Variants in ZEB2 observed in about 807,000 individuals in gnomAD.
ZEB2 encodes the protein zinc finger E-box-binding homeobox 2.
Under a neutral mutation model 99.9 loss-of-function variants are expected in ZEB2, and 6 were observed. The observed-to-expected ratio is 0.06, with a 90% CI of 0.03 to 0.12. The LOEUF (loss-of-function observed/expected upper bound fraction) is 0.12, where lower values mean the gene tolerates loss of function less well. ZEB2 is among the 10% of genes least tolerant of loss of function. ZEB2 has a pLI of 1.00. For missense variants in ZEB2, 969 were observed against 1,502.8 expected (o/e 0.64, Z 5.87); for synonymous variants, 517 against 542.5 (o/e 0.95, Z 0.65).
rs745365040 is a variant in ZEB2 at position 144,396,637 on chromosome 2, C to T, written c.2887-45G>A. On this transcript the variant is annotated intron_variant, in intron 8 of 9. Coordinates refer to ENST00000627532, the MANE Select transcript of ZEB2 (RefSeq NM_014795.4). ...TTCAATACAGTGGCTTCTCTTTGTG[C>T]TCACACCAAACAACTTCACATAGGG... is the stretch of plus-strand genomic sequence containing the variant. 5 of 1,594,700 alleles carry T rather than the reference C, an allele frequency of 3.1e-6. No homozygotes were observed. In the East Asian group the frequency reaches 1.1e-4, roughly 36 times the overall value.
At chr2:144,464,604 A>T (rs11892740) in intron 2 of ZEB2, among the ~76,000 whole-genome samples, 2 of 151,918 alleles carry the variant, frequency 1.3e-5, no homozygotes, top group Admixed American at 1.3e-4. Flanking sequence ...CAAGCAATCA[A>T]TGTACATTAA....
rs730881192 is a variant in ZEB2, at chr2:144,399,904, A to G, written c.1283T>C (p.Val428Ala). The G allele has an allele frequency of 1.9e-6, 3 of 1,613,950 alleles. No individual in the cohort carries two copies. Among genetic ancestry groups the G allele is most frequent in the East Asian group, 2.2e-5 (1 of 44,864 alleles). ...GGLGATSPLG[V>A]HPSAQSPMQH... is the part of the protein sequence containing the mutation. ...CATTGGACTCTGAGCAGATGGATGA[A>G]CTCCTAAAGGGCTGGTGGCTCCAAG... The change falls in exon 8 of 10, where the codon GTT becomes GCT. Residue 428 changes from valine to alanine, a missense_variant. Transcript: ENST00000627532. This position sits in a 1 kb window ranked among gnomAD's most constrained non-coding sequence, Gnocchi z 5.6.
intron 2 of ZEB2, among the ~76,000 whole-genome samples, chr2:144,431,548 G>A (rs937262531): frequency 1.3e-5 from 2 of 151,874 alleles, no homozygotes; most frequent in Admixed American, 1.3e-4. Context: ...CAGCGGAGCC[G>A]GGCAAACAGA....
At chr2:144,411,078 T>C (rs1388273672) in intron 4 of ZEB2, among the ~76,000 whole-genome samples, 2 of 108,532 alleles carry the variant, frequency 1.8e-5, no homozygotes, top group Non-Finnish European at 4.0e-5. Flanking sequence ...TATATATATA[T>C]ATATATATAT....
Position 144,399,599 on chromosome 2 carries a change from A to G in ZEB2, c.1588T>C (p.Leu530=), listed in dbSNP as rs1394713606. 1 of 1,614,168 alleles carries G rather than the reference A, an allele frequency of 6.2e-7. No homozygotes were observed. Among genetic ancestry groups the G allele is most frequent in the Non-Finnish European group, 8.5e-7 (1 of 1,180,018 alleles). ...GATKSIIDYT[L]EKVNEAKACL... ...GCTTTGGCTTCATTGACTTTTTCCAACGTATAGTCAATAATACTTTTAGTG... is the reference window on the plus strand; with the variant it reads ...GCTTTGGCTTCATTGACTTTTTCCAGCGTATAGTCAATAATACTTTTAGTG... Residue 530 remains leucine (L), a synonymous_variant, in exon 8 of 10, where the codon TTG becomes CTG. Transcript: ENST00000627532. The surrounding 1 kb of genome is among the most constrained non-coding windows in gnomAD (Gnocchi z 5.6).
chr2:144,437,714 TG>T (rs1703856434), intron 2 of ZEB2, among the ~76,000 whole-genome samples: 1 of 152,088 alleles, frequency 6.6e-6, no homozygotes, highest in Non-Finnish European at 1.5e-5. Context: ...AATAAGACCT[TG>T]GAAATAAAAC....
chr2:144,444,796 A>C (rs575444502), intron 2 of ZEB2: 1 of 152,358 alleles, frequency 6.6e-6, no homozygotes, highest in South Asian at 2.1e-4. Flanking sequence ...AGGGATTCCA[A>C]GCCCAGATTT....
chr2:144,471,487 G>A (rs1466047553), intron 2 of ZEB2, among the ~76,000 whole-genome samples: 1 of 151,362 alleles, frequency 6.6e-6, no homozygotes, highest in Non-Finnish European at 1.5e-5. Flanking sequence ...GACAGAGGTA[G>A]TTATTGTCAT....
At chr2:144,513,520 T>A (rs1295411249) in intron 2 of ZEB2, 1 of 1,528,898 alleles carries the variant, frequency 6.5e-7, no homozygotes, top group African/African-American at 1.4e-5. Context: ...CAACTTCATT[T>A]CTTTCTCTGA....
intron 2 of ZEB2, among the ~76,000 whole-genome samples, chr2:144,447,864 AG>A: frequency 6.6e-6 from 1 of 152,322 alleles, no homozygotes; most frequent in South Asian, 2.1e-4. Flanking sequence ...ATATTTCTGT[AG>A]GTTCTGGGAT....
chr2:144,388,519 T>A lies in ZEB2; in HGVS notation c.*932A>T, dbSNP rs541011980. The A allele has an allele frequency of 5.0e-3, 778 of 154,154 alleles. 6 individuals carry two copies. The highest frequency in any genetic ancestry group is 8.4e-3 in the Non-Finnish European group (583 of 69,028). The allele number at this position is 154,154 out of a possible 1,614,324, so 9.5% of individuals were successfully genotyped here. On this transcript the variant is annotated 3_prime_UTR_variant, in exon 10 of 10. Coordinates refer to ENST00000627532, the MANE Select transcript of ZEB2 (RefSeq NM_014795.4). The surrounding 1 kb of genome is among the most constrained non-coding windows in gnomAD (Gnocchi z 5.4). ...TAAAATTAAATGAATGCAAAAAAAA[T>A]TTTTTTGTTGCAAAAACAGTTTGGT...
chr2:144,509,247 T>C (rs1352370931), intron 2 of ZEB2, among the ~76,000 whole-genome samples: 1 of 152,136 alleles, frequency 6.6e-6, no homozygotes, highest in Non-Finnish European at 1.5e-5. Context: ...TAAAGCATTA[T>C]CCCCGTACCT....
intron 9 of ZEB2, chr2:144,390,693 CCCT>C (rs1703144932): frequency 6.4e-6 from 1 of 155,276 alleles, no homozygotes; most frequent in African/African-American, 2.4e-5. Context: ...ATAGTGTTTT[CCCT>C]CTAAAGTTTT....
intron 2 of ZEB2, among the ~76,000 whole-genome samples, chr2:144,477,285 T>C (rs1262301031): frequency 6.6e-6 from 1 of 152,254 alleles, no homozygotes; most frequent in Admixed American, 6.5e-5. Context: ...TGTCAACTAA[T>C]TTTCTAAAAG....
At chr2:144,419,945 CTTT>C (rs919244204) in intron 4 of ZEB2, among the ~76,000 whole-genome samples, 1 of 152,172 alleles carries the variant, frequency 6.6e-6, no homozygotes, top group African/African-American at 2.4e-5. Context: ...GGCTATTCTT[CTTT>C]GCCTTTAACA....
At chr2:144,484,375 G>A (rs1438857418) in intron 2 of ZEB2, among the ~76,000 whole-genome samples, 1 of 152,174 alleles carries the variant, frequency 6.6e-6, no homozygotes, top group Non-Finnish European at 1.5e-5. Context: ...ATGTGTCCAA[G>A]GCCATGCTGA....
At chr2:144,394,210 C>T (rs932275972) in intron 9 of ZEB2, among the ~76,000 whole-genome samples, 30 of 152,130 alleles carry the variant, frequency 2.0e-4, no homozygotes, top group Non-Finnish European at 3.5e-4. Flanking sequence ...CATGAGCCAC[C>T]GCATCAGGCC....
At chr2:144,441,724 C>G (rs1165555626) in intron 2 of ZEB2, among the ~76,000 whole-genome samples, 3 of 152,062 alleles carry the variant, frequency 2.0e-5, no homozygotes, top group Non-Finnish European at 4.4e-5. Flanking sequence ...ACCTTTTTCT[C>G]TGTTAGCTTC....
intron 2 of ZEB2, among the ~76,000 whole-genome samples, chr2:144,433,533 T>C (rs557550283): frequency 6.6e-6 from 1 of 152,298 alleles, no homozygotes; most frequent in African/African-American, 2.4e-5. Flanking sequence ...ATGTATAATA[T>C]GGGGTTACCA....
Sources: allele counts gnomAD v4.1 joint callset (sites outside exome capture counted in the v4.1 genomes callset), GRCh38; gene constraint gnomAD v4.1.1; non-coding constraint Gnocchi (gnomAD v3.1); transcripts MANE v1.5; gene names NCBI Gene and HGNC (gene_info 2026-07-23, HGNC 2026-07-21).